Variants in CALN1 observed in about 807,000 individuals in gnomAD.
CALN1 encodes the protein calcium-binding protein 8.
Under a neutral mutation model 30.6 loss-of-function variants are expected in CALN1, and 17 were observed. That is an observed-to-expected ratio of 0.56 (90% CI 0.38 to 0.83). CALN1 has a LOEUF of 0.83. Ranked by LOEUF, CALN1 falls within the 40% of genes least tolerant of loss-of-function variation. The pLI is 0.00. For synonymous variants in CALN1, 156 were observed against 131.4 expected, an observed-to-expected ratio of 1.19 and a Z score of -1.28; for missense variants, 291 against 354.9, an observed-to-expected ratio of 0.82 and a Z score of 1.45.
intron 5 of CALN1, among the ~76,000 whole-genome samples, chr7:71,839,124 T>TGAGA (rs148834323): frequency 0.017 from 2,579 of 151,218 alleles, 56 homozygotes; most frequent in African/African-American, 0.059. Context: ...TTATCATTCT[T>TGAGA]GAGAGAGAGA....
intron 2 of CALN1, among the ~76,000 whole-genome samples, chr7:72,389,514 T>C (rs1805442763): frequency 6.6e-6 from 1 of 152,214 alleles, no homozygotes; most frequent in East Asian, 1.9e-4. Context: ...TTTGCAAGCT[T>C]TCACTGCCCG....
At chr7:72,264,329 A>G (rs1796472797) in intron 3 of CALN1, among the ~76,000 whole-genome samples, 1 of 152,206 alleles carries the variant, frequency 6.6e-6, no homozygotes, top group African/African-American at 2.4e-5. Context: ...CACTCACTTT[A>G]TAGAATGAGG....
chr7:72,147,856 C>A (rs1244357402), intron 3 of CALN1, among the ~76,000 whole-genome samples: 4 of 150,276 alleles, frequency 2.7e-5, no homozygotes, highest in Admixed American at 2.0e-4. Flanking sequence ...GGACAAAAAA[C>A]CAAACATCGC....
chr7:72,413,885 CTCTT>C (rs928331009), upstream of CALN1, among the ~76,000 whole-genome samples: 3 of 151,932 alleles, frequency 2.0e-5, no homozygotes, highest in Non-Finnish European at 4.4e-5. Flanking sequence ...CACACACACA[CTCTT>C]ACATACATAC....
intron 2 of CALN1, among the ~76,000 whole-genome samples, chr7:72,329,371 T>C (rs762405654): frequency 1.6e-4 from 24 of 152,276 alleles, no homozygotes; most frequent in East Asian, 5.8e-4. Flanking sequence ...CTTTGGAAAA[T>C]ATAGACTAAG....
At chr7:72,470,978 C>T in the CALN1 span, among the ~76,000 whole-genome samples, 2 of 152,116 alleles carry the variant, frequency 1.3e-5, no homozygotes, top group African/African-American at 2.4e-5. Context: ...ATTTTTGAGG[C>T]AGAGTCTTGC....
At chr7:72,499,564 A>C in the CALN1 span, among the ~76,000 whole-genome samples, 1 of 152,140 alleles carries the variant, frequency 6.6e-6, no homozygotes, top group Non-Finnish European at 1.5e-5. Flanking sequence ...TTTTGCAAAA[A>C]AATCAGTTTA....
intron 2 of CALN1, among the ~76,000 whole-genome samples, chr7:72,358,664 T>C (rs934622100): frequency 2.0e-5 from 3 of 152,020 alleles, no homozygotes; most frequent in East Asian, 1.9e-4. Context: ...AAAAATAACA[T>C]TGGCGGCCAG....
intron 3 of CALN1, among the ~76,000 whole-genome samples, chr7:72,260,590 T>A (rs114510142): frequency 2.1e-4 from 32 of 152,096 alleles, no homozygotes; most frequent in African/African-American, 7.7e-4. Flanking sequence ...CCAGAAAGAG[T>A]GGCACCTCTG....
chr7:71,795,994 A>ATTT (rs35000438), intron 6 of CALN1, among the ~76,000 whole-genome samples: 1 of 140,736 alleles, frequency 7.1e-6, no homozygotes, highest in African/African-American at 2.6e-5. Context: ...AATTTTTTGC[A>ATTT]TTTTTTTTTT....
intron 2 of CALN1, among the ~76,000 whole-genome samples, chr7:72,377,620 G>A (rs146715830): frequency 4.6e-5 from 7 of 152,226 alleles, no homozygotes; most frequent in South Asian, 2.1e-4. Flanking sequence ...CAACTTCTCT[G>A]AACTAATTTT....
At chr7:72,421,255 A>T (rs1807600251) in intron 1 of CALN1, among the ~76,000 whole-genome samples, 1 of 151,676 alleles carries the variant, frequency 6.6e-6, no homozygotes, top group Non-Finnish European at 1.5e-5. Flanking sequence ...TTTATCCATC[A>T]CTCCACTCCC....
At chr7:72,338,470 A>AGAGAGAGT (rs1031551970) in intron 2 of CALN1, among the ~76,000 whole-genome samples, 1 of 74,760 alleles carries the variant, frequency 1.3e-5, no homozygotes, top group African/African-American at 4.2e-5. Flanking sequence ...CCAGCAGCAC[A>AGAGAGAGT]GTGTGTGTGT....
intron 2 of CALN1, among the ~76,000 whole-genome samples, chr7:72,327,415 G>A (rs1214803098): frequency 6.6e-6 from 1 of 152,230 alleles, no homozygotes; most frequent in Non-Finnish European, 1.5e-5. Flanking sequence ...CTTGAATCCA[G>A]CAGGCGGAGG....
intron 2 of CALN1, among the ~76,000 whole-genome samples, chr7:72,279,545 A>G (rs1797592560): frequency 1.3e-5 from 2 of 152,354 alleles, no homozygotes; most frequent in Non-Finnish European, 2.9e-5. Context: ...CGCCAATAGA[A>G]AAAAGCTCCT....
chr7:71,869,926 T>G (rs1430329744), intron 5 of CALN1, among the ~76,000 whole-genome samples: 1 of 152,086 alleles, frequency 6.6e-6, no homozygotes, highest in East Asian at 1.9e-4. Flanking sequence ...CAGACCAGAT[T>G]CCTCAGGTTT....
At chr7:72,441,101 A>C (rs1036889523) in intron 1 of CALN1, among the ~76,000 whole-genome samples, 1 of 152,160 alleles carries the variant, frequency 6.6e-6, no homozygotes, top group African/African-American at 2.4e-5. Context: ...TTTTGTTTCC[A>C]TGTTCTTTAC....
intron 5 of CALN1, among the ~76,000 whole-genome samples, chr7:71,879,078 G>T (rs545409664): frequency 4.6e-5 from 7 of 152,174 alleles, no homozygotes; most frequent in African/African-American, 7.2e-5. Flanking sequence ...AGAAAAATCT[G>T]CCTGTGTTTT....
chr7:71,872,620 C>T (rs11978147), intron 5 of CALN1, among the ~76,000 whole-genome samples: 31 of 142,062 alleles, frequency 2.2e-4, no homozygotes, highest in African/African-American at 4.7e-4. Flanking sequence ...TTCTTTTTTT[C>T]TTTTTTTTTT....
Sources: allele counts gnomAD v4.1 joint callset (sites outside exome capture counted in the v4.1 genomes callset), GRCh38; gene constraint gnomAD v4.1.1; transcripts MANE v1.5; gene names NCBI Gene and HGNC (gene_info 2026-07-23, HGNC 2026-07-21).